OR51T1: variants seen among roughly 807,000 people sequenced by gnomAD.
OR51T1 encodes the protein olfactory receptor family 51 subfamily T member 1.
For synonymous variants in OR51T1, 188 were observed against 152.6 expected (o/e 1.23, Z -1.71); for missense variants, 439 against 398.5 (o/e 1.10, Z -0.87).
chr11:4,882,030 A>T lies in OR51T1; in HGVS notation c.131A>T (p.Asn44Ile), dbSNP rs1850473444. ...CTCTACACCATTGCCCTCTTGGGAA[A>T]CAGTATGATCTTTCTTGTCATCATT... is the stretch of plus-strand genomic sequence containing the variant. ...CCLYTIALLG[N>I]SMIFLVIITK... The change falls in exon 1 of 1, where the codon AAC becomes ATC. Residue 44 changes from asparagine to isoleucine, a missense_variant. By Grantham distance (149) the Asn-to-Ile change is moderately radical. Transcript: ENST00000322049. 2 of 1,613,812 alleles carry T rather than the reference A, an allele frequency of 1.2e-6. No homozygotes were observed.
In OR51T1 at chr11:4,882,557, T is replaced by A; in HGVS notation, c.658T>A (p.Tyr220Asn). ...GTDVLFILFSYVLILRTVLGI... is the reference protein window; with the variant it reads ...GTDVLFILFSNVLILRTVLGI... ...TGACGTATTGTTTATTCTTTTCTCC[T>A]ATGTCCTGATCCTCCGTACTGTTCT... The change falls in exon 1 of 1, where the codon TAT becomes AAT. Residue 220 changes from tyrosine to asparagine, a missense_variant. Tyr to Asn is a moderately radical substitution (Grantham distance 143). Transcript: ENST00000322049. 1 of 1,613,934 alleles carries A rather than the reference T, an allele frequency of 6.2e-7. No individual in the cohort carries two copies. The highest frequency in any genetic ancestry group is 8.5e-7 in the Non-Finnish European group (1 of 1,179,920).
rs754001407 is a variant in OR51T1 at position 4,882,020 on chromosome 11, C to T, written c.121C>T (p.Leu41Phe). 9 of 1,613,718 alleles carry T rather than the reference C, an allele frequency of 5.6e-6. No homozygotes were observed. The Admixed American group carries it at 1.3e-4, about 24-fold the overall frequency. ...IPVCCLYTIALLGNSMIFLVI... is the reference protein window; with the variant it reads ...IPVCCLYTIAFLGNSMIFLVI... ...AGTCTGCTGTCTCTACACCATTGCC[C>T]TCTTGGGAAACAGTATGATCTTTCT... Residue 41 changes from leucine to phenylalanine, a missense_variant, in exon 1 of 1, where the codon CTC (leucine) becomes TTC (phenylalanine). Physicochemically the swap from Leu to Phe is conservative, Grantham distance 22 (BLOSUM62 0). Coordinates refer to ENST00000322049, the MANE Select transcript of OR51T1 (RefSeq NM_001004759.3).
Position 4,882,083 on chromosome 11 carries a change from T to C in OR51T1, c.184T>C (p.Tyr62His). The change falls in exon 1 of 1, where the codon TAT becomes CAT. Residue 62 changes from tyrosine to histidine, a missense_variant. Physicochemically the swap from Tyr to His is moderately conservative, Grantham distance 83. Coordinates refer to ENST00000322049, the MANE Select transcript of OR51T1 (RefSeq NM_001004759.3). Reference protein sequence around the residue: ...ITKRRLHKPMYYFLSMLAAVD... With the variant: ...ITKRRLHKPMHYFLSMLAAVD... ...TAAGCGGAGACTCCACAAACCCATGTATTATTTCCTCTCCATGCTGGCAGC... is the reference window on the plus strand; with the variant it reads ...TAAGCGGAGACTCCACAAACCCATGCATTATTTCCTCTCCATGCTGGCAGC... The C allele has an allele frequency of 6.2e-7, 1 of 1,613,958 alleles. No individual in the cohort carries two copies. Among genetic ancestry groups the C allele is most frequent in the Non-Finnish European group, 8.5e-7 (1 of 1,179,926 alleles).
chr11:4,882,566 A>T lies in OR51T1; in HGVS notation c.667A>T (p.Ile223Phe). 6.2e-7 allele frequency: 1 copy of T among 1,613,778 alleles called. No individual in the cohort carries two copies. The highest frequency in any genetic ancestry group is 8.5e-7 in the Non-Finnish European group (1 of 1,179,916). Residue 223 changes from isoleucine to phenylalanine, a missense_variant, in exon 1 of 1, where the codon ATC becomes TTC. Ile to Phe is a conservative substitution (Grantham distance 21). Transcript: ENST00000322049. ...VLFILFSYVL[I>F]LRTVLGIVAR... ...GTTTATTCTTTTCTCCTATGTCCTG[A>T]TCCTCCGTACTGTTCTGGGCATTGT...
In OR51T1 at chr11:4,881,975, C is replaced by T. The variant is rs1254605516; in HGVS notation, c.76C>T (p.His26Tyr). ...LTAFPGLECA[H>Y]VWISIPVCCL... ...TGCATTCCCTGGGCTGGAATGTGCT[C>T]ATGTCTGGATCTCCATTCCAGTCTG... The change falls in exon 1 of 1, where the codon CAT becomes TAT. Residue 26 changes from histidine to tyrosine, a missense_variant. His to Tyr is a moderately conservative substitution (Grantham distance 83). Coordinates refer to ENST00000322049, the MANE Select transcript of OR51T1 (RefSeq NM_001004759.3). 1.9e-6 allele frequency: 3 copies of T among 1,613,792 alleles called. No individual in the cohort carries two copies. Among genetic ancestry groups the T allele is most frequent in the African/African-American group, 1.3e-5 (1 of 74,896 alleles).
rs1850493786 is a variant in OR51T1, at chr11:4,882,738, A to ATATTTATCTGCTCTTACCACCTGTGC, written c.841_866dup (p.Asn290PhefsTer9). 1 of 1,613,720 alleles carries ATATTTATCTGCTCTTACCACCTGTGC rather than the reference A, an allele frequency of 6.2e-7. No homozygotes were observed. The highest frequency in any genetic ancestry group is 1.3e-5 in the African/African-American group (1 of 74,846). Reference sequence around the variant, plus strand: ...AGGGTGCTCTGTAGCACTTTGGCCAATATTTATCTGCTCTTACCACCTGTG... The same window carrying ATATTTATCTGCTCTTACCACCTGTGC: ...AGGGTGCTCTGTAGCACTTTGGCCAATATTTATCTGCTCTTACCACCTGTGCTATTTATCTGCTCTTACCACCTGTG... On this transcript the variant is annotated frameshift_variant, in exon 1 of 1. Coordinates refer to ENST00000322049, the MANE Select transcript of OR51T1 (RefSeq NM_001004759.3). LOFTEE classifies it low-confidence loss of function (END_TRUNC).
In OR51T1 at chr11:4,882,448, C is replaced by T. The variant is rs756626375; in HGVS notation, c.549C>T (p.His183=). Residue 183 remains histidine, a synonymous_variant, in exon 1 of 1, where the codon CAC becomes CAT. Coordinates refer to ENST00000322049, the MANE Select transcript of OR51T1 (RefSeq NM_001004759.3). ...AGCTTTCCCATCCATTTTGCTACCA[C>T]CCAGAAGTGATCAAATACACATATT... is the stretch of plus-strand genomic sequence containing the variant. ...GHELSHPFCY[H]PEVIKYTYSK... 3 of 1,613,958 alleles carry T rather than the reference C, an allele frequency of 1.9e-6. No homozygotes were observed. The East Asian group carries it at 6.7e-5, about 36-fold the overall frequency.
In OR51T1 at chr11:4,882,521, C is replaced by G. The variant is rs909514304; in HGVS notation, c.622C>G (p.Leu208Val). 6.2e-7 allele frequency: 1 copy of G among 1,613,898 alleles called. No individual in the cohort carries two copies. The highest frequency in any genetic ancestry group is 8.5e-7 in the Non-Finnish European group (1 of 1,179,936). ...SFWGLFLQLY[L>V]NGTDVLFILF... ...TTGGGGACTGTTTCTTCAGCTCTAC[C>G]TGAATGGCACTGACGTATTGTTTAT... is the stretch of plus-strand genomic sequence containing the variant. The change falls in exon 1 of 1, where the codon CTG (leucine) becomes GTG (valine). Residue 208 changes from leucine (L) to valine (V), a missense_variant. Leu to Val is a conservative substitution (Grantham distance 32, BLOSUM62 1). Coordinates refer to ENST00000322049, the MANE Select transcript of OR51T1 (RefSeq NM_001004759.3).
At position 4,882,303 on chromosome 11, in the gene OR51T1, C is replaced by G; in HGVS notation, c.404C>G (p.Ala135Gly). The change falls in exon 1 of 1, where the codon GCT becomes GGT. Residue 135 changes from alanine to glycine, a missense_variant. By Grantham distance (60) the Ala-to-Gly change is moderately conservative. Transcript: ENST00000322049. ...GCTATCTGTAACCCACTGAACTATG[C>G]TACTATCCTCACAGACAGGATGGTC... Reference protein sequence around the residue: ...FVAICNPLNYATILTDRMVLV... With the variant: ...FVAICNPLNYGTILTDRMVLV... 6.2e-7 allele frequency: 1 copy of G among 1,613,978 alleles called. No homozygotes were observed. Among genetic ancestry groups the G allele is most frequent in the Middle Eastern group, 1.7e-4 (1 of 6,054 alleles).
In OR51T1 at chr11:4,882,369, T is replaced by C. The variant is rs1022076198; in HGVS notation, c.470T>C (p.Phe157Ser). 3 of 1,613,866 alleles carry C rather than the reference T, an allele frequency of 1.9e-6. No individual in the cohort carries two copies. The African/African-American group carries it at 4.0e-5, about 22-fold the overall frequency. Residue 157 changes from phenylalanine (F) to serine (S), a missense_variant, in exon 1 of 1, where the codon TTC becomes TCC. By Grantham distance (155) the Phe-to-Ser change is radical. Transcript: ENST00000322049. ...GLVICIRPAV[F>S]LLPLLVAINT... ...GTCATCTGCATTAGACCAGCAGTTT[T>C]CTTACTTCCCCTTCTTGTAGCCATA...
In OR51T1 at chr11:4,881,950, T is replaced by C. The variant is rs368143077; in HGVS notation, c.51T>C (p.Thr17=). The C allele has an allele frequency of 1.1e-5, 17 of 1,613,738 alleles. No individual in the cohort carries two copies. The highest frequency in any genetic ancestry group is 1.2e-5 in the Non-Finnish European group (14 of 1,179,826). ...CGTCTTCCTCAAACTTCCTCCTCAC[T>C]GCATTCCCTGGGCTGGAATGTGCTC... The part of the protein sequence containing the change: ...TTSSSSNFLL[T]AFPGLECAHV... Residue 17 remains threonine (T), a synonymous_variant, in exon 1 of 1, where the codon ACT becomes ACC. Coordinates refer to ENST00000322049, the MANE Select transcript of OR51T1 (RefSeq NM_001004759.3).
Position 4,882,716 on chromosome 11 carries a change from G to A in OR51T1, c.817G>A (p.Val273Met). The A allele has an allele frequency of 6.2e-7, 1 of 1,613,884 alleles. No individual in the cohort carries two copies. The highest frequency in any genetic ancestry group is 2.2e-5 in the East Asian group (1 of 44,852). ...CCGCCTCTTCCACTCCACCCCAAGG[G>A]TGCTCTGTAGCACTTTGGCCAATAT... ...AHRLFHSTPR[V>M]LCSTLANIYL... Residue 273 changes from valine to methionine, a missense_variant, in exon 1 of 1, where the codon GTG becomes ATG. By Grantham distance (21) the Val-to-Met change is conservative. Transcript: ENST00000322049.
rs752664847 is a variant in OR51T1, at chr11:4,882,046, T to C, written c.147T>C (p.Leu49=). 1 of 1,613,896 alleles carries C rather than the reference T, an allele frequency of 6.2e-7. No individual in the cohort carries two copies. Among genetic ancestry groups the C allele is most frequent in the Admixed American group, 1.7e-5 (1 of 59,976 alleles). Residue 49 remains leucine, a synonymous_variant, in exon 1 of 1, where the codon CTT becomes CTC. Transcript: ENST00000322049. Reference sequence around the variant, plus strand: ...TCTTGGGAAACAGTATGATCTTTCTTGTCATCATTACTAAGCGGAGACTCC... The same window carrying C: ...TCTTGGGAAACAGTATGATCTTTCTCGTCATCATTACTAAGCGGAGACTCC... ...IALLGNSMIF[L]VIITKRRLHK...
Position 4,882,104 on chromosome 11 carries a change from G to A in OR51T1, c.205G>A (p.Ala69Thr). 4 of 1,613,894 alleles carry A rather than the reference G, an allele frequency of 2.5e-6. No homozygotes were observed. The highest frequency in any genetic ancestry group is 3.4e-6 in the Non-Finnish European group (4 of 1,179,928). ...CATGTATTATTTCCTCTCCATGCTG[G>A]CAGCTGTTGATCTATGTCTGACCAT... ...KPMYYFLSML[A>T]AVDLCLTITT... Residue 69 changes from alanine (A) to threonine (T), a missense_variant, in exon 1 of 1, where the codon GCA (alanine) becomes ACA (threonine). Physicochemically the swap from Ala to Thr is moderately conservative, Grantham distance 58 (BLOSUM62 0). Coordinates refer to ENST00000322049, the MANE Select transcript of OR51T1 (RefSeq NM_001004759.3).
In OR51T1 at chr11:4,882,751, C is replaced by T. The variant is rs764345760; in HGVS notation, c.852C>T (p.Leu284=). 3.1e-6 allele frequency: 5 copies of T among 1,613,818 alleles called. No individual in the cohort carries two copies. In the Admixed American group the frequency reaches 8.3e-5, roughly 27 times the overall value. The part of the protein sequence containing the change: ...LCSTLANIYL[L]LPPVLNPIIY... ...GCACTTTGGCCAATATTTATCTGCT[C>T]TTACCACCTGTGCTGAACCCTATCA... Residue 284 remains leucine, a synonymous_variant, in exon 1 of 1, where the codon CTC becomes CTT. Transcript: ENST00000322049.
chr11:4,882,807 A>G lies in OR51T1; in HGVS notation c.908A>G (p.Gln303Arg). Residue 303 changes from glutamine to arginine, a missense_variant, in exon 1 of 1, where the codon CAG becomes CGG. Physicochemically the swap from Gln to Arg is conservative, Grantham distance 43. Coordinates refer to ENST00000322049, the MANE Select transcript of OR51T1 (RefSeq NM_001004759.3). ...AGCTTGAAGACCAAGACAATCCGCCAGGCTATGTTCCAGCTGCTCCAATCC... is the reference window on the plus strand; with the variant it reads ...AGCTTGAAGACCAAGACAATCCGCCGGGCTATGTTCCAGCTGCTCCAATCC... ...IYSLKTKTIR[Q>R]AMFQLLQSKG... The G allele has an allele frequency of 6.2e-7, 1 of 1,613,862 alleles. No homozygotes were observed.
At position 4,882,608 on chromosome 11, in the gene OR51T1, C is replaced by CA; in HGVS notation, c.714dup (p.Ala239SerfsTer38). On this transcript the variant is annotated frameshift_variant, in exon 1 of 1. Coordinates refer to ENST00000322049, the MANE Select transcript of OR51T1 (RefSeq NM_001004759.3). LOFTEE classifies it low-confidence loss of function (END_TRUNC). ...GGGCATTGTGGCCCGAAAGAAGCAA[C>CA]AAAAAGCTCTCAGCACTTGTGTCTG... The CA allele has an allele frequency of 6.2e-7, 1 of 1,613,902 alleles. No individual in the cohort carries two copies. The highest frequency in any genetic ancestry group is 8.5e-7 in the Non-Finnish European group (1 of 1,179,942).
chr11:4,882,488 A>T lies in OR51T1; in HGVS notation c.589A>T (p.Ser197Cys), dbSNP rs1331560096. The change falls in exon 1 of 1, where the codon AGC becomes TGC. Residue 197 changes from serine (S) to cysteine (C), a missense_variant. Transcript: ENST00000322049. ...ATACACATATTCCAAACCTTGGATCAGCAGTTTTTGGGGACTGTTTCTTCA... is the reference window on the plus strand; with the variant it reads ...ATACACATATTCCAAACCTTGGATCTGCAGTTTTTGGGGACTGTTTCTTCA... The part of the protein sequence containing the change: ...IKYTYSKPWI[S>C]SFWGLFLQLY... 6.2e-7 allele frequency: 1 copy of T among 1,613,902 alleles called. No individual in the cohort carries two copies. Among genetic ancestry groups the T allele is most frequent in the African/African-American group, 1.3e-5 (1 of 74,998 alleles).
At position 4,882,772 on chromosome 11, in the gene OR51T1, T is replaced by A. The variant is rs1850494770; in HGVS notation, c.873T>A (p.Pro291=). 1 of 1,613,794 alleles carries A rather than the reference T, an allele frequency of 6.2e-7. No individual in the cohort carries two copies. The highest frequency in any genetic ancestry group is 8.5e-7 in the Non-Finnish European group (1 of 1,179,886). The part of the protein sequence containing the change: ...IYLLLPPVLN[P]IIYSLKTKTI... ...TGCTCTTACCACCTGTGCTGAACCCTATCATTTACAGCTTGAAGACCAAGA... is the reference window on the plus strand; with the variant it reads ...TGCTCTTACCACCTGTGCTGAACCCAATCATTTACAGCTTGAAGACCAAGA... The change falls in exon 1 of 1, where the codon CCT becomes CCA. Residue 291 remains proline (P), a synonymous_variant. Coordinates refer to ENST00000322049, the MANE Select transcript of OR51T1 (RefSeq NM_001004759.3).
Sources: gnomAD v4.1 joint callset for allele counts on GRCh38, gnomAD v4.1.1 for gene constraint, MANE v1.5 for transcripts, NCBI Gene and HGNC (gene_info 2026-07-23, HGNC 2026-07-21) for gene names.